Variants in ZNF407 observed in about 807,000 individuals in gnomAD.
ZNF407 encodes zinc finger protein 407.
In ZNF407, 17 loss-of-function variants were observed where a neutral mutation model predicts 131.2. The ratio of observed to expected loss-of-function variants is 0.13; its 90% CI spans 0.09 to 0.19. The LOEUF (loss-of-function observed/expected upper bound fraction) is 0.19, where lower values mean the gene tolerates loss of function less well. ZNF407 is among the 10% of genes least tolerant of loss of function. The pLI, the probability that ZNF407 is intolerant of heterozygous loss-of-function variation, is 1.00. For missense variants in ZNF407, 2,681 were observed against 2,830.6 expected, an observed-to-expected ratio of 0.95 and a Z score of 1.20; for synonymous variants, 1,156 against 1,062.0, an observed-to-expected ratio of 1.09 and a Z score of -1.72.
At chr18:74,738,979 C>T (rs892369563) in intron 3 of ZNF407, among the ~76,000 whole-genome samples, 6 of 151,936 alleles carry the variant, frequency 3.9e-5, no homozygotes, top group African/African-American at 1.5e-4. Flanking sequence ...AAATAAGTGG[C>T]TCCAGATACC....
At chr18:75,021,200 T>TTA (rs975988527) in intron 8 of ZNF407, among the ~76,000 whole-genome samples, 57 of 152,208 alleles carry the variant, frequency 3.7e-4, no homozygotes, top group African/African-American at 1.3e-3. Context: ...GCAGAGTCCA[T>TTA]TATATGTAAT....
intron 4 of ZNF407, among the ~76,000 whole-genome samples, chr18:74,786,350 T>C (rs1969710796): frequency 6.6e-6 from 1 of 152,216 alleles, no homozygotes; most frequent in Non-Finnish European, 1.5e-5. Flanking sequence ...TTCTGGAATA[T>C]TTTTTATGAA....
intron 8 of ZNF407, among the ~76,000 whole-genome samples, chr18:74,953,084 T>C (rs969586888): frequency 4.0e-5 from 6 of 151,248 alleles, no homozygotes; most frequent in Non-Finnish European, 8.8e-5. Context: ...GGAGCCTACG[T>C]TGATTTGTTT....
At chr18:74,861,816 C>A (rs1327431194) in intron 4 of ZNF407, among the ~76,000 whole-genome samples, 2 of 151,720 alleles carry the variant, frequency 1.3e-5, no homozygotes, top group Non-Finnish European at 2.9e-5. Context: ...TCATTATTTC[C>A]TTACTGTAAA....
chr18:74,875,617 T>TA (rs891851919), intron 4 of ZNF407, among the ~76,000 whole-genome samples: 3 of 152,166 alleles, frequency 2.0e-5, no homozygotes, highest in African/African-American at 7.2e-5. Flanking sequence ...TTTGAAATGT[T>TA]AAATGCATGA....
intron 3 of ZNF407, among the ~76,000 whole-genome samples, chr18:74,767,713 G>C (rs1200279266): frequency 1.4e-5 from 2 of 145,042 alleles, no homozygotes; most frequent in African/African-American, 2.6e-5. Flanking sequence ...GAATGCAGTG[G>C]TGCGATTTCG....
rs191513226 is a variant in ZNF407, at chr18:74,965,692, C to T, written c.5428+45000C>T. 2.6e-3 allele frequency among the ~76,000 whole-genome samples: 395 copies of T among 152,240 alleles called. 2 individuals are homozygous for T. The highest frequency in any genetic ancestry group is 4.1e-3 in the Non-Finnish European group (278 of 68,008). On this transcript the variant is annotated intron_variant, in intron 8 of 8. Transcript: ENST00000299687. ...GTGTATATACCCAGCAGTGGGATTG[C>T]TGGATTATATAGTAGCTCTACTTTT...
At chr18:74,687,890 G>A (rs1967131493) in intron 3 of ZNF407, among the ~76,000 whole-genome samples, 1 of 152,046 alleles carries the variant, frequency 6.6e-6, no homozygotes, top group South Asian at 2.1e-4. Flanking sequence ...TTCATAGATA[G>A]CTTATGCTTC....
At chr18:74,815,389 C>T (rs1023293824) in intron 4 of ZNF407, among the ~76,000 whole-genome samples, 2 of 152,122 alleles carry the variant, frequency 1.3e-5, no homozygotes, top group Non-Finnish European at 2.9e-5. Flanking sequence ...AGCACAGTGT[C>T]GGCCCTGGTC....
At chr18:74,734,052 G>A (rs887694651) in intron 3 of ZNF407, among the ~76,000 whole-genome samples, 5 of 151,918 alleles carry the variant, frequency 3.3e-5, no homozygotes, top group African/African-American at 7.3e-5. Flanking sequence ...GGCCCACATC[G>A]GTTCATTCTT....
Position 74,632,539 on chromosome 18 carries a change from G to A in ZNF407, c.1520G>A (p.Arg507His), listed in dbSNP as rs573257833. ...GCAGAGCAGGGCCAGGGGAGTGCCC[G>A]TCCTCCGGACTCCGGGCTGCATTCC... ...QEAEQGQGSA[R>H]PPDSGLHSLT... Residue 507 changes from arginine to histidine, a missense_variant, in exon 2 of 9, where the codon CGT becomes CAT. This residue lies in a region of ZNF407 where 1,789 missense variants were observed against 1,748.7 expected (regional missense o/e 1.02). Coordinates refer to ENST00000299687, the MANE Select transcript of ZNF407 (RefSeq NM_017757.3). The A allele has an allele frequency of 3.7e-5, 59 of 1,614,002 alleles. 1 individual carries two copies. In the South Asian group the frequency reaches 4.5e-4, roughly 12 times the overall value.
intron 1 of ZNF407, among the ~76,000 whole-genome samples, chr18:74,620,531 CAT>C (rs879238726): frequency 0.84 from 126,880 of 151,940 alleles, 53,238 homozygotes; most frequent in Middle Eastern, 0.9. Context: ...TGAAATATAA[CAT>C]GTGTGTCCTC....
intron 3 of ZNF407, among the ~76,000 whole-genome samples, chr18:74,769,941 G>A (rs1018262942): frequency 6.6e-6 from 1 of 152,218 alleles, no homozygotes; most frequent in African/African-American, 2.4e-5. Flanking sequence ...CAGTTGAGGG[G>A]TGAGTGTGGT....
intron 4 of ZNF407, among the ~76,000 whole-genome samples, chr18:74,866,681 A>AAT (rs111356394): frequency 0.025 from 3,743 of 150,994 alleles, 149 homozygotes; most frequent in African/African-American, 0.085. Flanking sequence ...TGTGAGAAAT[A>AAT]ATATATATAT....
chr18:74,855,518 A>T (rs916210848), intron 4 of ZNF407, among the ~76,000 whole-genome samples: 6 of 152,212 alleles, frequency 3.9e-5, no homozygotes, highest in Admixed American at 1.3e-4. Context: ...AAAAGCCATA[A>T]TGTGAAATTA....
chr18:74,623,017 A>G, intron 1 of ZNF407, among the ~76,000 whole-genome samples: 1 of 139,698 alleles, frequency 7.2e-6, no homozygotes, highest in African/African-American at 2.8e-5. Flanking sequence ...TCTGAATGTG[A>G]GTTGGTGTGT....
At chr18:74,613,651 A>G (rs536217195) in intron 1 of ZNF407, among the ~76,000 whole-genome samples, 2 of 152,348 alleles carry the variant, frequency 1.3e-5, no homozygotes, top group African/African-American at 4.8e-5. Context: ...TAGGTTTCTT[A>G]AACAGATTTG....
At chr18:74,883,501 T>A (rs562212359) in intron 6 of ZNF407, among the ~76,000 whole-genome samples, 24 of 152,302 alleles carry the variant, frequency 1.6e-4, no homozygotes, top group Non-Finnish European at 2.5e-4. Flanking sequence ...GTGTAAATAA[T>A]TCCTCACCGC....
At chr18:74,679,066 A>C (rs928503063) in intron 3 of ZNF407, among the ~76,000 whole-genome samples, 3 of 151,934 alleles carry the variant, frequency 2.0e-5, no homozygotes, top group Non-Finnish European at 2.9e-5. Context: ...CTGTGTGGGG[A>C]CTCAGCGGTT....
Sources: allele counts gnomAD v4.1 joint callset (sites outside exome capture counted in the v4.1 genomes callset), GRCh38; gene constraint gnomAD v4.1.1; regional missense constraint gnomAD v4.1.1; transcripts MANE v1.5; gene names NCBI Gene and HGNC (gene_info 2026-07-23, HGNC 2026-07-21).